TMEM132D: variants seen among roughly 807,000 people sequenced by gnomAD.
TMEM132D encodes transmembrane protein 132D.
A neutral mutation model predicts 62.3 loss-of-function variants in TMEM132D; 21 were observed. The ratio of observed to expected loss-of-function variants is 0.34; its 90% CI spans 0.24 to 0.49. TMEM132D has a LOEUF of 0.49. Among genes scored for constraint, TMEM132D ranks in the 20% least tolerant of loss-of-function variants. The probability of loss-of-function intolerance (pLI) is 0.99; values close to 1 mark genes in which losing one functional copy is unlikely to be tolerated. For missense variants in TMEM132D, 1,346 were observed against 1,402.8 expected, an observed-to-expected ratio of 0.96 and a Z score of 0.65; for synonymous variants, 621 against 575.6, an observed-to-expected ratio of 1.08 and a Z score of -1.13.
chr12:129,591,441 G>A (rs1361784813), intron 2 of TMEM132D, among the ~76,000 whole-genome samples: 3 of 152,022 alleles, frequency 2.0e-5, no homozygotes, highest in Admixed American at 6.6e-5. Context: ...CTTTGCAACG[G>A]CTTCATACAT....
intron 2 of TMEM132D, among the ~76,000 whole-genome samples, chr12:129,639,335 ATTGAGCCACTGCTC>A (rs1226374604): frequency 7.3e-6 from 1 of 137,108 alleles, no homozygotes; most frequent in Admixed American, 7.9e-5. Context: ...GTGAGCTGAG[ATTGAGCCACTGCTC>A]TCCAGCCTGG....
At chr12:129,343,190 T>C (rs1297155351) in intron 3 of TMEM132D, among the ~76,000 whole-genome samples, 1 of 152,170 alleles carries the variant, frequency 6.6e-6, no homozygotes, top group Non-Finnish European at 1.5e-5. Flanking sequence ...TGTCCAACAA[T>C]GATAGACTGG....
intron 5 of TMEM132D, among the ~76,000 whole-genome samples, chr12:129,203,479 C>T (rs753458232): frequency 4.6e-4 from 70 of 152,358 alleles, no homozygotes; most frequent in Non-Finnish European, 8.1e-4. Flanking sequence ...GTGGGTGCAG[C>T]CTCCTGTGGT....
In TMEM132D at chr12:129,074,309, C is replaced by T. The variant is rs1874174919; in HGVS notation, c.2866G>A (p.Glu956Lys). ...RHKQVPFEEQ[E>K]GMSHSHDWVG... ...CAGTCATGAGAGTGACTCATCCCTT[C>T]CTGCTCCTCGAAGGGAACCTGTTTG... The change falls in exon 9 of 9, where the codon GAA (glutamate) becomes AAA (lysine). Residue 956 changes from glutamate to lysine, a missense_variant. Transcript: ENST00000422113. The T allele has an allele frequency of 6.2e-7, 1 of 1,614,120 alleles. No individual in the cohort carries two copies. The highest frequency in any genetic ancestry group is 8.5e-7 in the Non-Finnish European group (1 of 1,180,038).
intron 1 of TMEM132D, among the ~76,000 whole-genome samples, chr12:129,859,257 C>T (rs1873812253): frequency 6.6e-6 from 1 of 152,138 alleles, no homozygotes; most frequent in Admixed American, 6.5e-5. Flanking sequence ...AGACATAGAC[C>T]CCTGCTGTTT....
chr12:129,121,629 C>T (rs1052018028), intron 5 of TMEM132D, among the ~76,000 whole-genome samples: 13 of 152,158 alleles, frequency 8.5e-5, no homozygotes, highest in African/African-American at 1.2e-4. Context: ...AAATTCAAAG[C>T]GGTGAGGAAG....
intron 3 of TMEM132D, among the ~76,000 whole-genome samples, chr12:129,412,719 G>T (rs1014189639): frequency 1.3e-5 from 2 of 152,130 alleles, no homozygotes; most frequent in African/African-American, 4.8e-5. Context: ...TGGGTGTGGT[G>T]GTGGGCACCT....
intron 3 of TMEM132D, among the ~76,000 whole-genome samples, chr12:129,409,718 A>G (rs1026097825): frequency 2.0e-5 from 3 of 152,220 alleles, no homozygotes; most frequent in South Asian, 4.1e-4. Context: ...TATAAACAGT[A>G]AAGAGTAAAT....
intron 4 of TMEM132D, among the ~76,000 whole-genome samples, chr12:129,308,247 C>T (rs79106242): frequency 0.013 from 1,940 of 152,276 alleles, 43 homozygotes; most frequent in African/African-American, 0.044. Flanking sequence ...TATTCATTTA[C>T]TTGTTCCTTC....
At chr12:129,862,616 C>T (rs538639414) in intron 1 of TMEM132D, among the ~76,000 whole-genome samples, 7 of 152,312 alleles carry the variant, frequency 4.6e-5, no homozygotes, top group Admixed American at 2.0e-4. Context: ...TGCATGTTGA[C>T]ATCCTTAAAA....
chr12:129,495,795 G>A (rs149451667), intron 3 of TMEM132D, among the ~76,000 whole-genome samples: 4 of 152,246 alleles, frequency 2.6e-5, no homozygotes, highest in Admixed American at 2.0e-4. Flanking sequence ...CTCTATCAGC[G>A]CCTGAAGAGA....
intron 3 of TMEM132D, among the ~76,000 whole-genome samples, chr12:129,376,474 C>G (rs1370249303): frequency 6.6e-6 from 1 of 152,128 alleles, no homozygotes; most frequent in Admixed American, 6.5e-5. Flanking sequence ...TCCCATGATT[C>G]AATTACCTCC....
At chr12:129,159,137 C>G (rs1234691162) in intron 5 of TMEM132D, among the ~76,000 whole-genome samples, 1 of 152,116 alleles carries the variant, frequency 6.6e-6, no homozygotes, top group African/African-American at 2.4e-5. Context: ...GCTGAGACTT[C>G]AAGTAGATGA....
At chr12:129,289,895 A>G (rs1172519177) in intron 4 of TMEM132D, among the ~76,000 whole-genome samples, 1 of 152,188 alleles carries the variant, frequency 6.6e-6, no homozygotes, top group Non-Finnish European at 1.5e-5. Flanking sequence ...CTAAGAGTGT[A>G]AGAAATTATT....
intron 3 of TMEM132D, among the ~76,000 whole-genome samples, chr12:129,478,181 C>A (rs981472053): frequency 1.3e-5 from 2 of 152,162 alleles, no homozygotes; most frequent in African/African-American, 4.8e-5. Flanking sequence ...AGGCCACTTA[C>A]CATGAATAAA....
chr12:129,445,997 CA>C lies in TMEM132D; in HGVS notation c.1115+85061del, dbSNP rs539183851. Among the ~76,000 whole-genome samples, 1,072 of 152,160 alleles carry C rather than the reference CA, an allele frequency of 7.0e-3. 6 individuals carry two copies. The highest frequency in any genetic ancestry group is 9.9e-3 in the African/African-American group (410 of 41,520). ...CTGCAGGGTTACTCCAAATTGGTAC[CA>C]GGGGCTGGGACTTTATACAGCTCTA... On this transcript the variant is annotated intron_variant, in intron 3 of 8. Transcript: ENST00000422113.
intron 3 of TMEM132D, among the ~76,000 whole-genome samples, chr12:129,489,296 T>C (rs1446689110): frequency 1.3e-5 from 2 of 152,192 alleles, no homozygotes; most frequent in African/African-American, 4.8e-5. Context: ...AATTTAGAAC[T>C]GTGGAAATAG....
chr12:129,206,394 A>G (rs937053101), intron 5 of TMEM132D, among the ~76,000 whole-genome samples: 6 of 152,244 alleles, frequency 3.9e-5, no homozygotes, highest in African/African-American at 1.4e-4. Context: ...AATCAATACC[A>G]CAATGAGATA....
intron 5 of TMEM132D, among the ~76,000 whole-genome samples, chr12:129,167,865 C>T (rs570369251): frequency 2.6e-5 from 4 of 152,118 alleles, no homozygotes; most frequent in South Asian, 2.1e-4. Flanking sequence ...ACACTTTATT[C>T]GGAATCCTAA....
Sources: gnomAD v4.1 joint callset for allele counts (sites outside exome capture counted in the v4.1 genomes callset) on GRCh38, gnomAD v4.1.1 for gene constraint, MANE v1.5 for transcripts, NCBI Gene and HGNC (gene_info 2026-07-23, HGNC 2026-07-21) for gene names.